The following CERS3 variants were observed in gnomAD, a reference collection of about 807,000 sequenced individuals.
CERS3 encodes the protein LAG1 homolog, ceramide synthase 3.
A neutral mutation model predicts 50.3 loss-of-function variants in CERS3; 33 were observed. That is an observed-to-expected ratio of 0.66 (90% CI 0.50 to 0.88). The LOEUF (loss-of-function observed/expected upper bound fraction) is 0.88. Ranked by LOEUF, CERS3 falls within the 40% of genes least tolerant of loss-of-function variation. The pLI is 0.00. For missense variants in CERS3, 470 were observed against 460.3 expected, an observed-to-expected ratio of 1.02 and a Z score of -0.19; for synonymous variants, 176 against 155.2, an observed-to-expected ratio of 1.13 and a Z score of -0.99.
chr15:100,494,450 T>C (rs915079454), intron 3 of CERS3, among the ~76,000 whole-genome samples: 2 of 151,718 alleles, frequency 1.3e-5, no homozygotes, highest in Non-Finnish European at 2.9e-5. Context: ...GGTTTCACCA[T>C]GTTAGCCAGG....
Position 100,455,936 on chromosome 15 carries a change from C to G in CERS3, c.956G>C (p.Gly319Ala), listed in dbSNP as rs1423018938. Residue 319 changes from glycine (G) to alanine (A), a missense_variant, in exon 11 of 12, where the codon GGT becomes GCT. Gly to Ala is a moderately conservative substitution (Grantham distance 60, BLOSUM62 0). Transcript: ENST00000679737. ...MILQVLHLYW[G>A]YYILKMLNRC... ...GTTGAGCATCTTCAAGATGTAATAA[C>G]CCCAGTAAAGGTGAAGGACCTGCAA... The G allele has an allele frequency of 1.2e-6, 2 of 1,612,866 alleles. No homozygotes were observed. The highest frequency in any genetic ancestry group is 1.7e-6 in the Non-Finnish European group (2 of 1,179,400).
intron 11 of CERS3, among the ~76,000 whole-genome samples, chr15:100,411,552 T>A (rs1357918931): frequency 6.6e-6 from 1 of 152,192 alleles, no homozygotes; most frequent in Non-Finnish European, 1.5e-5. Flanking sequence ...GGTCGCTGGA[T>A]TGCTTCTATA....
chr15:100,442,682 A>G (rs1481110048), intron 11 of CERS3, among the ~76,000 whole-genome samples: 2 of 152,014 alleles, frequency 1.3e-5, no homozygotes, highest in Admixed American at 1.3e-4. Context: ...CCTGGCAGCC[A>G]CTCCCAGAGC....
upstream of CERS3, among the ~76,000 whole-genome samples, chr15:100,530,798 C>G (rs1358549388): frequency 2.6e-5 from 4 of 152,146 alleles, no homozygotes; most frequent in Non-Finnish European, 5.9e-5. Flanking sequence ...TATTGGGGAA[C>G]CAGGCTGGGA....
chr15:100,417,922 C>A (rs1031377024), intron 11 of CERS3, among the ~76,000 whole-genome samples: 1 of 152,026 alleles, frequency 6.6e-6, no homozygotes, highest in Non-Finnish European at 1.5e-5. Context: ...ACACCGAAAA[C>A]CCATCTGTAC....
At chr15:100,488,419 G>C (rs935965501) in intron 4 of CERS3, among the ~76,000 whole-genome samples, 1 of 152,078 alleles carries the variant, frequency 6.6e-6, no homozygotes, top group African/African-American at 2.4e-5. Flanking sequence ...TCTTGAATCA[G>C]TACAAAACTG....
Position 100,430,839 on chromosome 15 carries a change from T to G in CERS3, c.999+25054A>C, listed in dbSNP as rs562603650. Among the ~76,000 whole-genome samples, 27 of 152,292 alleles carry G rather than the reference T, an allele frequency of 1.8e-4. 2 individuals are homozygous for G. In the South Asian group the frequency reaches 4.8e-3, roughly 27 times the overall value. On this transcript the variant is annotated intron_variant, in intron 11 of 11. Transcript: ENST00000679737. ...AAAAACAAATTGAGTTTTTTCCCCT[T>G]TTTTCCCTCCTCAAGGCAGTTGCAT...
intron 6 of CERS3, 86 bp from the exon 7 acceptor site, chr15:100,479,564 C>T: frequency 1.0e-6 from 1 of 957,108 alleles, no homozygotes. Flanking sequence ...AACCTAAGCT[C>T]TTCCTTATGT....
At chr15:100,472,850 C>T in intron 9 of CERS3, 74 bp downstream of exon 9, 4 of 1,583,782 alleles carry the variant, frequency 2.5e-6, no homozygotes, top group Non-Finnish European at 3.5e-6. Context: ...AAATTGCTCA[C>T]AATTACTTCT....
intron 3 of CERS3, 51 bp from the exon 4 acceptor site, chr15:100,490,982 G>A (rs754591930): frequency 8.7e-6 from 9 of 1,031,946 alleles, no homozygotes; most frequent in African/African-American, 8.1e-5. Context: ...ATAAATCCAC[G>A]ATGACACCAG....
Position 100,501,689 on chromosome 15 carries a change from C to T in CERS3, c.161G>A (p.Arg54His), listed in dbSNP as rs199880090. 3.0e-5 allele frequency: 48 copies of T among 1,612,454 alleles called. No homozygotes were observed. The highest frequency in any genetic ancestry group is 6.7e-5 in the East Asian group (3 of 44,864). Residue 54 changes from arginine to histidine, a missense_variant, in exon 3 of 12, where the codon CGT (arginine) becomes CAT (histidine). Coordinates refer to ENST00000679737, the MANE Select transcript of CERS3 (RefSeq NM_001378789.1). ...PYAFLLLIIR[R>H]VFEKFVASPL... Reference sequence around the variant, plus strand: ...AAGTACTACTTACTTTTCAAATACACGTCTGATAATCAGCAAGAGAAAAGC... The same window carrying T: ...AAGTACTACTTACTTTTCAAATACATGTCTGATAATCAGCAAGAGAAAAGC...
chr15:100,495,179 C>T (rs74698418), intron 3 of CERS3, among the ~76,000 whole-genome samples: 1 of 152,202 alleles, frequency 6.6e-6, no homozygotes, highest in East Asian at 1.9e-4. Flanking sequence ...GAAGGAGCTT[C>T]TACTCTGTTC....
At chr15:100,456,164 C>A in intron 10 of CERS3, 118 bp from the exon 11 acceptor site, 1 of 604,076 alleles carries the variant, frequency 1.7e-6, no homozygotes, top group Admixed American at 4.0e-5. Context: ...TAATAAAGCC[C>A]AGAAAATTAT....
intron 11 of CERS3, among the ~76,000 whole-genome samples, chr15:100,421,603 C>CA (rs1022178576): frequency 2.7e-5 from 4 of 148,316 alleles, no homozygotes; most frequent in African/African-American, 9.9e-5. Context: ...CATATGGAAC[C>CA]AAAAAAGAGC....
intron 1 of CERS3, among the ~76,000 whole-genome samples, chr15:100,523,051 G>A (rs1305708311): frequency 6.6e-6 from 1 of 152,202 alleles, no homozygotes; most frequent in Non-Finnish European, 1.5e-5. Context: ...CTTCATTGCA[G>A]TTTTAATCTG....
At chr15:100,535,328 T>C (rs2037044149) in intron 1 of CERS3, among the ~76,000 whole-genome samples, 1 of 152,258 alleles carries the variant, frequency 6.6e-6, no homozygotes, top group Non-Finnish European at 1.5e-5. Flanking sequence ...TCTCTGAACA[T>C]AGTGTTCAGT....
upstream of CERS3, among the ~76,000 whole-genome samples, chr15:100,532,068 G>A (rs940140631): frequency 1.1e-4 from 14 of 124,852 alleles, no homozygotes; most frequent in Admixed American, 1.0e-3. Context: ...ACTAGAAGAG[G>A]AAAACACAGT....
At chr15:100,449,112 A>G (rs1289615087) in intron 11 of CERS3, among the ~76,000 whole-genome samples, 1 of 152,060 alleles carries the variant, frequency 6.6e-6, no homozygotes, top group African/African-American at 2.4e-5. Flanking sequence ...CCCTCCCCCT[A>G]CTGCCCAAGT....
Position 100,507,625 on chromosome 15 carries a change from T to C in CERS3, c.-1-5775A>G, listed in dbSNP as rs73473895. ...TTTTGGACATGCCACCAGCTCAGCATCCAGCCCACATAGTAGTCAGTGAAA... is the reference window on the plus strand; with the variant it reads ...TTTTGGACATGCCACCAGCTCAGCACCCAGCCCACATAGTAGTCAGTGAAA... On this transcript the variant is annotated intron_variant, in intron 2 of 11. Coordinates refer to ENST00000679737, the MANE Select transcript of CERS3 (RefSeq NM_001378789.1). Among the ~76,000 whole-genome samples the C allele has an allele frequency of 8.5e-3, 1,293 of 152,372 alleles. 21 individuals carry two copies. Among genetic ancestry groups the C allele is most frequent in the African/African-American group, 0.029 (1,219 of 41,594 alleles).
Sources: gnomAD v4.1 joint callset for allele counts (sites outside exome capture counted in the v4.1 genomes callset) on GRCh38, gnomAD v4.1.1 for gene constraint, MANE v1.5 for transcripts, NCBI Gene and HGNC (gene_info 2026-07-23, HGNC 2026-07-21) for gene names.